The following PPARGC1A variants were observed in gnomAD, a reference collection of about 807,000 sequenced individuals.
The protein encoded by PPARGC1A is PPARG coactivator 1 alpha.
In PPARGC1A, 25 loss-of-function variants were observed where a neutral mutation model predicts 88.7. The ratio of observed to expected loss-of-function variants is 0.28; its 90% CI spans 0.21 to 0.39. The LOEUF (loss-of-function observed/expected upper bound fraction) is 0.39, where lower values mean the gene tolerates loss of function less well. PPARGC1A is among the 10% of genes least tolerant of loss of function. The pLI, the probability that PPARGC1A is intolerant of heterozygous loss-of-function variation, is 1.00. For missense variants in PPARGC1A, 880 were observed against 968.7 expected (o/e 0.91, Z 1.22); for synonymous variants, 363 against 355.6 (o/e 1.02, Z -0.24).
the PPARGC1A span, among the ~76,000 whole-genome samples, chr4:24,309,040 T>TTTCA: frequency 6.6e-6 from 1 of 152,058 alleles, no homozygotes; most frequent in Non-Finnish European, 1.5e-5. Flanking sequence ...GTACTCTGGA[T>TTTCA]TTCATTCATT....
the PPARGC1A span, among the ~76,000 whole-genome samples, chr4:24,051,212 A>AAT: frequency 6.7e-6 from 1 of 149,770 alleles, no homozygotes; most frequent in Non-Finnish European, 1.5e-5. Flanking sequence ...AAAAAAAAAA[A>AAT]CCAAACCTAA....
the PPARGC1A span, among the ~76,000 whole-genome samples, chr4:24,093,839 A>G: frequency 6.6e-6 from 1 of 152,118 alleles, no homozygotes; most frequent in African/African-American, 2.4e-5. Flanking sequence ...CAGGTTACTC[A>G]TCTTCTCTGA....
At chr4:24,176,725 A>AT in the PPARGC1A span, among the ~76,000 whole-genome samples, 1 of 152,030 alleles carries the variant, frequency 6.6e-6, no homozygotes, top group Non-Finnish European at 1.5e-5. Flanking sequence ...AATAATAATA[A>AT]TACCAGCTCA....
At chr4:24,375,507 C>T in the PPARGC1A span, among the ~76,000 whole-genome samples, 1 of 152,146 alleles carries the variant, frequency 6.6e-6, no homozygotes, top group African/African-American at 2.4e-5. Flanking sequence ...CTAGTTGAAG[C>T]AAGAATCATG....
At chr4:23,848,320 G>A (rs1577498061) in intron 2 of PPARGC1A, among the ~76,000 whole-genome samples, 1 of 151,998 alleles carries the variant, frequency 6.6e-6, no homozygotes, top group Non-Finnish European at 1.5e-5. Context: ...TATAACAACC[G>A]GCATAAAAAC....
chr4:24,188,519 T>A, the PPARGC1A span, among the ~76,000 whole-genome samples: 2 of 152,048 alleles, frequency 1.3e-5, no homozygotes, highest in Non-Finnish European at 2.9e-5. Flanking sequence ...CTGGGGGAAA[T>A]GCAGAGTAAA....
the PPARGC1A span, among the ~76,000 whole-genome samples, chr4:24,048,349 A>G: frequency 6.6e-6 from 1 of 152,142 alleles, no homozygotes; most frequent in Non-Finnish European, 1.5e-5. Context: ...AACAGTTGAC[A>G]TTTTTTGGCC....
At chr4:24,462,224 TA>T in the PPARGC1A span, among the ~76,000 whole-genome samples, 9 of 151,604 alleles carry the variant, frequency 5.9e-5, no homozygotes, top group Admixed American at 2.0e-4. Flanking sequence ...TAGCTGGGAT[TA>T]CAGGTGCACA....
the PPARGC1A span, among the ~76,000 whole-genome samples, chr4:24,156,781 G>A: frequency 6.9e-6 from 1 of 145,676 alleles, no homozygotes; most frequent in Non-Finnish European, 1.5e-5. Context: ...TATGAATACT[G>A]GTTGGTGGCT....
At chr4:23,921,348 C>T in the PPARGC1A span, among the ~76,000 whole-genome samples, 6 of 152,142 alleles carry the variant, frequency 3.9e-5, no homozygotes, top group Non-Finnish European at 5.9e-5. Context: ...TCTTCAACTC[C>T]GGAGAAAGTC....
the PPARGC1A span, among the ~76,000 whole-genome samples, chr4:24,379,781 CTTT>C: frequency 7.2e-6 from 1 of 138,136 alleles, no homozygotes. Context: ...TATTTAAATT[CTTT>C]TTTTTTTTTT....
At chr4:24,451,594 T>C in the PPARGC1A span, among the ~76,000 whole-genome samples, 2 of 152,314 alleles carry the variant, frequency 1.3e-5, no homozygotes, top group South Asian at 4.1e-4. Context: ...TTGTTTGTTT[T>C]TTGAGATGGT....
the PPARGC1A span, among the ~76,000 whole-genome samples, chr4:23,942,887 C>T: frequency 6.6e-6 from 1 of 152,172 alleles, no homozygotes; most frequent in Non-Finnish European, 1.5e-5. Context: ...TACAGAAATA[C>T]TTCAAGCAAT....
At chr4:24,195,346 A>C in the PPARGC1A span, among the ~76,000 whole-genome samples, 1 of 152,200 alleles carries the variant, frequency 6.6e-6, no homozygotes, top group African/African-American at 2.4e-5. Context: ...TAACCCTCAA[A>C]TGGTTGCAAT....
chr4:24,383,088 G>T, the PPARGC1A span, among the ~76,000 whole-genome samples: 1 of 152,210 alleles, frequency 6.6e-6, no homozygotes, highest in South Asian at 2.1e-4. Context: ...CGCAAACAGG[G>T]TCTGGAGTGG....
chr4:24,200,499 G>A, the PPARGC1A span, among the ~76,000 whole-genome samples: 747 of 151,178 alleles, frequency 4.9e-3, 27 homozygotes, highest in East Asian at 0.095. Flanking sequence ...CAACAAGAGC[G>A]AAACTCTGAC....
the PPARGC1A span, among the ~76,000 whole-genome samples, chr4:24,146,316 G>A: frequency 6.6e-6 from 1 of 152,210 alleles, no homozygotes; most frequent in Non-Finnish European, 1.5e-5. Flanking sequence ...TCATTACTTA[G>A]CATTAATCAT....
chr4:24,424,729 C>T, the PPARGC1A span, among the ~76,000 whole-genome samples: 1 of 152,176 alleles, frequency 6.6e-6, no homozygotes, highest in Middle Eastern at 3.2e-3. Context: ...ATTTGAGCAT[C>T]ATCTCTCATC....
chr4:24,435,035 G>A, the PPARGC1A span, among the ~76,000 whole-genome samples: 14 of 152,266 alleles, frequency 9.2e-5, no homozygotes, highest in South Asian at 2.1e-4. Flanking sequence ...ACACAGAAAC[G>A]TCCCTTCTTG....
Sources: gnomAD v4.1 joint callset for allele counts (sites outside exome capture counted in the v4.1 genomes callset) on GRCh38, gnomAD v4.1.1 for gene constraint, MANE v1.5 for transcripts, NCBI Gene and HGNC (gene_info 2026-07-23, HGNC 2026-07-21) for gene names.